PPP2R5E: variants seen among roughly 807,000 people sequenced by gnomAD.
The protein encoded by PPP2R5E is serine/threonine-protein phosphatase 2A 56 kDa regulatory subunit epsilon isoform.
PPP2R5E carries 4 observed loss-of-function variants against 65.3 expected under a neutral mutation model. The ratio of observed to expected loss-of-function variants is 0.06; its 90% CI spans 0.03 to 0.14. The LOEUF (loss-of-function observed/expected upper bound fraction) is 0.14. Among genes scored for constraint, PPP2R5E ranks in the 10% least tolerant of loss-of-function variants. The pLI is 1.00. For missense variants in PPP2R5E, 274 were observed against 556.1 expected (o/e 0.49, Z 5.10); for synonymous variants, 183 against 187.4 (o/e 0.98, Z 0.19).
chr14:63,523,388 C>G (rs952730100), intron 2 of PPP2R5E, among the ~76,000 whole-genome samples: 1 of 152,034 alleles, frequency 6.6e-6, no homozygotes, highest in Non-Finnish European at 1.5e-5. Flanking sequence ...GCCTTGGGAT[C>G]CTGTTGATCT....
At chr14:63,482,866 T>C (rs1890783730) in intron 2 of PPP2R5E, among the ~76,000 whole-genome samples, 1 of 152,192 alleles carries the variant, frequency 6.6e-6, no homozygotes. Flanking sequence ...ACACATTCCT[T>C]GAACAAATAA....
chr14:63,400,916 G>A (rs999866494), intron 5 of PPP2R5E, among the ~76,000 whole-genome samples: 1 of 152,110 alleles, frequency 6.6e-6, no homozygotes, highest in Non-Finnish European at 1.5e-5. Context: ...ACCAACATAA[G>A]AGAAGGTTTG....
chr14:63,381,655 C>A (rs760129302), intron 13 of PPP2R5E, among the ~76,000 whole-genome samples: 2 of 152,152 alleles, frequency 1.3e-5, no homozygotes, highest in Non-Finnish European at 2.9e-5. Flanking sequence ...TGCCAAATAA[C>A]AACATTTCGG....
At position 63,472,214 on chromosome 14, in the gene PPP2R5E, C is replaced by G. The variant is rs187751018; in HGVS notation, c.158-18329G>C. On this transcript the variant is annotated intron_variant, in intron 2 of 13. Coordinates refer to ENST00000337537, the MANE Select transcript of PPP2R5E (RefSeq NM_006246.5). Reference sequence around the variant, plus strand: ...ACTCAGGAGGCTGAGGCAGGAGAATCGGCTGAACCCAGGAGGCGGAGGTTG... The same window carrying G: ...ACTCAGGAGGCTGAGGCAGGAGAATGGGCTGAACCCAGGAGGCGGAGGTTG... 5.9e-5 allele frequency among the ~76,000 whole-genome samples: 9 copies of G among 152,228 alleles called. No homozygotes were observed. The East Asian group carries it at 1.7e-3, about 29-fold the overall frequency.
chr14:63,448,223 G>A (rs1001734819), intron 3 of PPP2R5E, among the ~76,000 whole-genome samples: 1 of 151,990 alleles, frequency 6.6e-6, no homozygotes. Context: ...TGTGAACCCC[G>A]GAGGCAGAGC....
intron 5 of PPP2R5E, among the ~76,000 whole-genome samples, chr14:63,409,540 T>C (rs1886280386): frequency 6.6e-6 from 1 of 152,208 alleles, no homozygotes. Flanking sequence ...GCCCCATAGG[T>C]GATACCAGTA....
chr14:63,527,670 C>T (rs749093360), intron 2 of PPP2R5E, among the ~76,000 whole-genome samples: 10 of 151,982 alleles, frequency 6.6e-5, no homozygotes, highest in Admixed American at 2.0e-4. Context: ...TGTGGTGGCT[C>T]AATGCCTGTA....
Position 63,485,197 on chromosome 14 carries a change from A to T in PPP2R5E, c.158-31312T>A, listed in dbSNP as rs999569438. ...AGAACTGCTACTGCTATACTCATTT[A>T]AAAAAAAAAAAAAAAAAAACATACT... On this transcript the variant is annotated intron_variant, in intron 2 of 13. Coordinates refer to ENST00000337537, the MANE Select transcript of PPP2R5E (RefSeq NM_006246.5). Among the ~76,000 whole-genome samples, 56 of 97,220 alleles carry T rather than the reference A, an allele frequency of 5.8e-4. 1 individual carries two copies. Among genetic ancestry groups the T allele is most frequent in the South Asian group, 1.4e-3 (5 of 3,514 alleles). The allele number at this position is 97,220 out of a possible 152,430, so 63.8% of individuals were successfully genotyped here.
intron 13 of PPP2R5E, 131 bp from the exon 14 acceptor site, chr14:63,376,239 T>A: frequency 1.6e-6 from 1 of 624,480 alleles, no homozygotes; most frequent in Non-Finnish European, 2.7e-6. Context: ...TTAAAATTAC[T>A]AAGAAACAAA....
intron 3 of PPP2R5E, among the ~76,000 whole-genome samples, chr14:63,424,783 G>A (rs1306457849): frequency 6.6e-6 from 1 of 151,910 alleles, no homozygotes; most frequent in Non-Finnish European, 1.5e-5. Flanking sequence ...AGGGTCCTTG[G>A]GCACCCAGTA....
chr14:63,487,167 T>C (rs1225858246), intron 2 of PPP2R5E, among the ~76,000 whole-genome samples: 2 of 152,202 alleles, frequency 1.3e-5, no homozygotes, highest in African/African-American at 4.8e-5. Context: ...GAGAAAGTTA[T>C]TTGTCGAGAA....
chr14:63,508,008 G>T, intron 2 of PPP2R5E: 1 of 317,756 alleles, frequency 3.1e-6, no homozygotes, highest in Non-Finnish European at 4.6e-6. Flanking sequence ...AGTCCCCTTT[G>T]TAGAGATCCA....
chr14:63,466,366 G>A (rs561265324), intron 2 of PPP2R5E, among the ~76,000 whole-genome samples: 9 of 151,704 alleles, frequency 5.9e-5, no homozygotes, highest in African/African-American at 2.2e-4. Flanking sequence ...TTTAAAGTAT[G>A]AGAGCTTAAG....
chr14:63,531,130 T>C (rs112698730), intron 2 of PPP2R5E, among the ~76,000 whole-genome samples: 263 of 152,262 alleles, frequency 1.7e-3, no homozygotes, highest in African/African-American at 5.9e-3. Flanking sequence ...ATAGCGCCAT[T>C]GCGCTCCAGC....
chr14:63,474,111 G>T (rs1045448428), intron 2 of PPP2R5E, among the ~76,000 whole-genome samples: 1 of 152,214 alleles, frequency 6.6e-6, no homozygotes, highest in African/African-American at 2.4e-5. Flanking sequence ...TACATAGGAG[G>T]CAACTGTTAC....
At chr14:63,389,364 A>T (rs570689133) in intron 11 of PPP2R5E, among the ~76,000 whole-genome samples, 9 of 145,200 alleles carry the variant, frequency 6.2e-5, no homozygotes, top group South Asian at 2.2e-4. Flanking sequence ...GTATGTCTTT[A>T]AAAAAAAAAC....
In PPP2R5E at chr14:63,542,895, G is replaced by T; in HGVS notation, c.-124C>A. The T allele has an allele frequency of 6.5e-6, 1 of 153,586 alleles. No individual in the cohort carries two copies. The highest frequency in any genetic ancestry group is 1.9e-4 in the South Asian group (1 of 5,240). The allele number at this position is 153,586 out of a possible 1,614,324, so 9.5% of individuals were successfully genotyped here. On this transcript the variant is annotated 5_prime_UTR_variant, in exon 1 of 14. Transcript: ENST00000337537. ...ACCGGGACGTGCAGGGGGAGGTCCG[G>T]GCAGCTGCGGGGAGCCTGGGGCGAC... is the stretch of plus-strand genomic sequence containing the variant.
At chr14:63,496,879 A>G (rs773909582) in intron 2 of PPP2R5E, among the ~76,000 whole-genome samples, 1 of 147,360 alleles carries the variant, frequency 6.8e-6, no homozygotes, top group Non-Finnish European at 1.5e-5. Flanking sequence ...TTATCTGGGT[A>G]CACAGTTTAA....
At chr14:63,508,061 C>G in intron 2 of PPP2R5E, 1 of 830,704 alleles carries the variant, frequency 1.2e-6, no homozygotes. Flanking sequence ...ATGTAATAGC[C>G]TGATCCAAGC....
Sources: allele counts gnomAD v4.1 joint callset (sites outside exome capture counted in the v4.1 genomes callset), GRCh38; gene constraint gnomAD v4.1.1; transcripts MANE v1.5; gene names NCBI Gene and HGNC (gene_info 2026-07-23, HGNC 2026-07-21).